PCM1: variants seen among roughly 807,000 people sequenced by gnomAD.
PCM1 encodes the protein pericentriolar material 1.
In PCM1, 157 loss-of-function variants were observed where a neutral mutation model predicts 241.9. That is an observed-to-expected ratio of 0.65 (90% CI 0.57 to 0.74). The LOEUF is 0.74. Ranked by LOEUF, PCM1 falls within the 30% of genes least tolerant of loss-of-function variation. The probability of loss-of-function intolerance (pLI) is 0.00; values close to 1 mark genes in which losing one functional copy is unlikely to be tolerated. For missense variants in PCM1, 3,478 were observed against 2,360.1 expected (o/e 1.47, Z -9.81); for synonymous variants, 1,085 against 784.9 (o/e 1.38, Z -6.39).
Position 17,964,674 on chromosome 8 carries a change from G to A in PCM1, c.2761G>A (p.Glu921Lys). 1 of 1,613,928 alleles carries A rather than the reference G, an allele frequency of 6.2e-7. No homozygotes were observed. Among genetic ancestry groups the A allele is most frequent in the African/African-American group, 1.3e-5 (1 of 75,064 alleles). ...TGTTCGGACAGATGAAGAGGAGGAA[G>A]AAGAGCAAGATGCCAGTTCCAATGA... is the stretch of plus-strand genomic sequence containing the variant. The part of the protein sequence containing the change: ...GIVRTDEEEE[E>K]EQDASSNDNF... Residue 921 changes from glutamate to lysine, a missense_variant, in exon 18 of 39, where the codon GAA becomes AAA. Physicochemically the swap from Glu to Lys is moderately conservative, Grantham distance 56. Coordinates refer to ENST00000325083, the MANE Select transcript of PCM1 (RefSeq NM_006197.4).
chr8:17,945,585 A>G (rs1440683223), intron 6 of PCM1, among the ~76,000 whole-genome samples: 1 of 152,162 alleles, frequency 6.6e-6, no homozygotes, highest in East Asian at 1.9e-4. Flanking sequence ...TATTAATTTT[A>G]TGGATTTCCA....
At chr8:18,011,932 G>A in intron 34 of PCM1, 105 bp downstream of exon 34, 1 of 1,029,104 alleles carries the variant, frequency 9.7e-7, no homozygotes, top group Non-Finnish European at 1.4e-6. Context: ...TAAATATTCA[G>A]GTTTCATGAA....
At chr8:17,939,978 T>A in intron 6 of PCM1, 117 bp downstream of exon 6, 1 of 1,233,016 alleles carries the variant, frequency 8.1e-7, no homozygotes, top group Non-Finnish European at 1.1e-6. Context: ...AATCATGCCA[T>A]CCATTATAAC....
Position 17,960,215 on chromosome 8 carries a change from G to A in PCM1, c.2192+50G>A, listed in dbSNP as rs565268432. The A allele has an allele frequency of 3.9e-6, 6 of 1,554,886 alleles. No homozygotes were observed. The East Asian group carries it at 1.1e-4, about 29-fold the overall frequency. On this transcript the variant is annotated intron_variant, in intron 14 of 38. Transcript: ENST00000325083. ...TTAATATAATAAAAATTTAGTGCCTGTTTTGGAGAAGGTGCTCAGCTAGGT... is the reference window on the plus strand; with the variant it reads ...TTAATATAATAAAAATTTAGTGCCTATTTTGGAGAAGGTGCTCAGCTAGGT...
At position 17,985,972 on chromosome 8, in the gene PCM1, G is replaced by C. The variant is rs1190720719; in HGVS notation, c.4295G>C (p.Arg1432Thr). 2 of 1,559,200 alleles carry C rather than the reference G, an allele frequency of 1.3e-6. No homozygotes were observed. Among genetic ancestry groups the C allele is most frequent in the African/African-American group, 2.7e-5 (2 of 73,326 alleles). The change falls in exon 26 of 39, where the codon AGA becomes ACA. Residue 1432 changes from arginine to threonine, a missense_variant. Arg to Thr is a moderately conservative substitution (Grantham distance 71). Transcript: ENST00000325083. ...ALYALQDIVSRHISESHEKGE... is the reference protein window; with the variant it reads ...ALYALQDIVSTHISESHEKGE... The stretch of plus-strand genomic sequence containing the variant: ...TTTCTTATTTAGGACATAGTATCCA[G>C]ACATATTTCTGAGAGCCATGAAAAA...
In PCM1 at chr8:17,939,683, C is replaced by T. The variant is rs747379550; in HGVS notation, c.613-8C>T. The T allele has an allele frequency of 1.7e-5, 25 of 1,478,078 alleles. No individual in the cohort carries two copies. The highest frequency in any genetic ancestry group is 2.7e-5 in the South Asian group (2 of 73,612). The allele number at this position is 1,478,078 out of a possible 1,614,324, so 91.6% of individuals were successfully genotyped here. A position where few individuals can be genotyped will look rare whatever the true frequency, so the allele number is the denominator to read the frequency against. The stretch of plus-strand genomic sequence containing the variant: ...ATGCTTTTTTTAAAAAAAATATTTC[C>T]CCTGCAGATTGTAAGCAGGCTTGTT... On this transcript the variant is annotated splice_polypyrimidine_tract_variant and splice_region_variant and intron_variant, in intron 5 of 38. Coordinates refer to ENST00000325083, the MANE Select transcript of PCM1 (RefSeq NM_006197.4).
At chr8:17,923,689 A>G (rs1429386093) in intron 1 of PCM1, among the ~76,000 whole-genome samples, 1 of 151,460 alleles carries the variant, frequency 6.6e-6, no homozygotes, top group African/African-American at 2.4e-5. Flanking sequence ...GACTCTGAAG[A>G]GTTGCAGTTG....
chr8:18,014,678 T>C lies in PCM1; in HGVS notation c.5679T>C (p.Pro1893=). ...GTGCTGCCCATAAGGAGTCACCTCC[T>C]ACTGTTGATTCAACTCAACAGCCTA... ...LNSAAHKESP[P]TVDSTQQPNP... is the part of the protein sequence containing the mutation. The change falls in exon 36 of 39, where the codon CCT becomes CCC. Residue 1893 remains proline, a synonymous_variant. Coordinates refer to ENST00000325083, the MANE Select transcript of PCM1 (RefSeq NM_006197.4). 6.2e-7 allele frequency: 1 copy of C among 1,613,828 alleles called. No individual in the cohort carries two copies. The highest frequency in any genetic ancestry group is 8.5e-7 in the Non-Finnish European group (1 of 1,179,814).
At chr8:18,014,945 T>G in intron 36 of PCM1, 105 bp downstream of exon 36, 1 of 1,015,316 alleles carries the variant, frequency 9.8e-7, no homozygotes, top group Non-Finnish European at 1.4e-6. Flanking sequence ...TGTGTTTAGG[T>G]TTAGAACATG....
chr8:17,935,453 A>G (rs1023193828), intron 2 of PCM1, 136 bp from the exon 3 acceptor site: 7 of 577,802 alleles, frequency 1.2e-5, no homozygotes, highest in Non-Finnish European at 1.9e-5. Flanking sequence ...TTTGTCTGTG[A>G]TGTGGTTGAC....
Position 17,957,528 on chromosome 8 carries a change from T to A in PCM1, c.1805-12T>A. The A allele has an allele frequency of 6.3e-7, 1 of 1,598,706 alleles. No homozygotes were observed. The highest frequency in any genetic ancestry group is 1.1e-5 in the South Asian group (1 of 90,196). On this transcript the variant is annotated splice_polypyrimidine_tract_variant and intron_variant, in intron 12 of 38. Coordinates refer to ENST00000325083, the MANE Select transcript of PCM1 (RefSeq NM_006197.4). ...AAAAGTTACTGGTTTTAATTATACA[T>A]GTTTTCAGCAGATTGTCGATATAAT... is the stretch of plus-strand genomic sequence containing the variant.
chr8:17,968,653 A>T (rs1299543566), intron 21 of PCM1, among the ~76,000 whole-genome samples: 2 of 151,940 alleles, frequency 1.3e-5, no homozygotes, highest in Non-Finnish European at 2.9e-5. Context: ...TAATCACAAT[A>T]TATATGTACT....
rs751698094 is a variant in PCM1, at chr8:17,985,639, A to G, written c.4281+20A>G. 2.5e-6 allele frequency: 4 copies of G among 1,575,928 alleles called. No individual in the cohort carries two copies. The highest frequency in any genetic ancestry group is 3.5e-6 in the Non-Finnish European group (4 of 1,154,592). On this transcript the variant is annotated intron_variant, in intron 25 of 38. Transcript: ENST00000325083. ...TTGCAGGTATCTGGTACCTAACATA[A>G]TTTTTCCTACCCTATTATCACCTTC...
At chr8:18,011,401 T>G (rs780469872) in intron 33 of PCM1, 35 bp downstream of exon 33, 1 of 1,463,162 alleles carries the variant, frequency 6.8e-7, no homozygotes. Flanking sequence ...CTTTATACTT[T>G]AGTTTTTTGT....
chr8:17,956,506 A>C, intron 10 of PCM1, 98 bp from the exon 11 acceptor site: 3 of 728,092 alleles, frequency 4.1e-6, no homozygotes, highest in Non-Finnish European at 6.9e-6. Context: ...CATTAGGTCT[A>C]AATTTTGTTT....
At chr8:17,989,294 G>A (rs1315699400) in intron 26 of PCM1, among the ~76,000 whole-genome samples, 1 of 151,954 alleles carries the variant, frequency 6.6e-6, no homozygotes, top group Non-Finnish European at 1.5e-5. Context: ...TGACTGTAGA[G>A]GGTTGTGAAG....
intron 22 of PCM1, among the ~76,000 whole-genome samples, chr8:17,971,485 A>G (rs1045179263): frequency 2.0e-5 from 3 of 152,230 alleles, no homozygotes; most frequent in African/African-American, 4.8e-5. Flanking sequence ...ATGAGTACCT[A>G]TTAAATATTA....
intron 9 of PCM1, among the ~76,000 whole-genome samples, chr8:17,955,165 G>C (rs1282776602): frequency 6.6e-6 from 1 of 152,044 alleles, no homozygotes; most frequent in African/African-American, 2.4e-5. Context: ...TCTCTAGTTA[G>C]TTTTCCAAGG....
chr8:17,938,881 A>C lies in PCM1; in HGVS notation c.484A>C (p.Asn162His). The C allele has an allele frequency of 6.2e-7, 1 of 1,613,772 alleles. No homozygotes were observed. Residue 162 changes from asparagine (N) to histidine (H), a missense_variant, in exon 5 of 39, where the codon AAC (asparagine) becomes CAC (histidine). Coordinates refer to ENST00000325083, the MANE Select transcript of PCM1 (RefSeq NM_006197.4). The part of the protein sequence containing the change: ...KSKDASTNPP[N>H]RETIGSAQCK... The stretch of plus-strand genomic sequence containing the variant: ...CAAAGATGCATCTACAAACCCCCCA[A>C]ACAGAGAAACGATTGGATCAGCACA...
Sources: gnomAD v4.1 joint callset for allele counts (sites outside exome capture counted in the v4.1 genomes callset) on GRCh38, gnomAD v4.1.1 for gene constraint, MANE v1.5 for transcripts, NCBI Gene and HGNC (gene_info 2026-07-23, HGNC 2026-07-21) for gene names.